EPSTI1: variants seen among roughly 807,000 people sequenced by gnomAD.
EPSTI1 encodes the protein epithelial stromal interaction 1.
EPSTI1 carries 66 observed loss-of-function variants against 49.9 expected under a neutral mutation model. That is an observed-to-expected ratio of 1.32 (90% confidence interval 1.08 to 1.62). The LOEUF (loss-of-function observed/expected upper bound fraction) is 1.62. Ranked by LOEUF, EPSTI1 falls within the 40% of genes most tolerant of loss-of-function variation. The probability of loss-of-function intolerance (pLI) is 0.00; values close to 1 mark genes in which losing one functional copy is unlikely to be tolerated. For synonymous variants in EPSTI1, 137 were observed against 130.7 expected, an observed-to-expected ratio of 1.05 and a Z score of -0.33; for missense variants, 394 against 365.5, an observed-to-expected ratio of 1.08 and a Z score of -0.64.
intron 6 of EPSTI1, among the ~76,000 whole-genome samples, chr13:42,952,770 C>T (rs1039958798): frequency 3.9e-5 from 6 of 152,198 alleles, no homozygotes; most frequent in African/African-American, 1.4e-4. Flanking sequence ...GTAGCAGAAA[C>T]ACAGTACCTA....
intron 8 of EPSTI1, among the ~76,000 whole-genome samples, chr13:42,910,473 C>G (rs947773079): frequency 6.6e-6 from 1 of 151,840 alleles, no homozygotes; most frequent in Non-Finnish European, 1.5e-5. Context: ...AGGCTGGTCT[C>G]GAACTCCTGA....
At chr13:42,974,234 G>A (rs1425441282) in intron 1 of EPSTI1, among the ~76,000 whole-genome samples, 1 of 152,168 alleles carries the variant, frequency 6.6e-6, no homozygotes, top group Non-Finnish European at 1.5e-5. Flanking sequence ...TACTCGGGAT[G>A]CTGAGGCAGG....
At chr13:42,934,743 C>A in intron 6 of EPSTI1, 1 of 183,470 alleles carries the variant, frequency 5.5e-6, no homozygotes, top group South Asian at 1.3e-4. Context: ...TGACTGGGCC[C>A]CATGCCAGCA....
chr13:42,911,244 A>AGTGTGTGT (rs372327588), intron 8 of EPSTI1, among the ~76,000 whole-genome samples: 18 of 147,148 alleles, frequency 1.2e-4, no homozygotes, highest in South Asian at 4.3e-4. Context: ...AGAGAGAGAG[A>AGTGTGTGT]GTGTGTGTGT....
At chr13:42,906,217 T>A (rs1483856367) in intron 8 of EPSTI1, among the ~76,000 whole-genome samples, 1 of 152,224 alleles carries the variant, frequency 6.6e-6, no homozygotes, top group Non-Finnish European at 1.5e-5. Flanking sequence ...GCAAACATCA[T>A]TTCTCTGGGC....
In EPSTI1 at chr13:42,897,492, T is replaced by C. The variant is rs2037227391; in HGVS notation, c.816-2384A>G. On this transcript the variant is annotated intron_variant, in intron 9 of 10. Coordinates refer to ENST00000313624, the MANE Select transcript of EPSTI1 (RefSeq NM_033255.5). ...GACACAGCCTTTATGGAGTGTAGCC[T>C]GATAATGTAGTTACTGAATGAAACA... 1.3e-5 allele frequency among the ~76,000 whole-genome samples: 2 copies of C among 152,214 alleles called. 1 individual carries two copies. The highest frequency in any genetic ancestry group is 4.1e-4 in the South Asian group (2 of 4,830).
chr13:42,988,529 G>C (rs537378640), intron 1 of EPSTI1, among the ~76,000 whole-genome samples: 1 of 152,284 alleles, frequency 6.6e-6, no homozygotes, highest in African/African-American at 2.4e-5. Context: ...TCAGGAGTTT[G>C]AGACCGGCCT....
intron 8 of EPSTI1, among the ~76,000 whole-genome samples, chr13:42,911,099 T>C (rs1185547068): frequency 6.6e-6 from 1 of 152,242 alleles, no homozygotes; most frequent in East Asian, 1.9e-4. Context: ...TACTTATCTT[T>C]GCATTCCTGG....
At chr13:42,893,484 G>A (rs1342873200) in intron 10 of EPSTI1, among the ~76,000 whole-genome samples, 1 of 152,146 alleles carries the variant, frequency 6.6e-6, no homozygotes, top group Non-Finnish European at 1.5e-5. Flanking sequence ...TTTGGACTTG[G>A]ATATGCCCAT....
intron 6 of EPSTI1, among the ~76,000 whole-genome samples, chr13:42,952,929 T>A (rs1433591348): frequency 1.3e-5 from 2 of 152,168 alleles, no homozygotes; most frequent in African/African-American, 4.8e-5. Context: ...AGGGGGAATA[T>A]GTTGGAGGCT....
At chr13:42,916,164 T>C (rs1256717233) in intron 8 of EPSTI1, among the ~76,000 whole-genome samples, 1 of 152,064 alleles carries the variant, frequency 6.6e-6, no homozygotes, top group East Asian at 1.9e-4. Context: ...CATGACTATG[T>C]ACCAGATTTA....
At chr13:42,891,665 A>T (rs535933777) in intron 10 of EPSTI1, among the ~76,000 whole-genome samples, 1 of 152,298 alleles carries the variant, frequency 6.6e-6, no homozygotes, top group Non-Finnish European at 1.5e-5. Flanking sequence ...TCATTTTAGC[A>T]TGTGAAATCA....
intron 8 of EPSTI1, among the ~76,000 whole-genome samples, chr13:42,917,146 C>T (rs1159231586): frequency 6.6e-6 from 1 of 152,174 alleles, no homozygotes; most frequent in Admixed American, 6.5e-5. Context: ...AGTTTCATAA[C>T]TTTGCATGCC....
chr13:42,893,754 A>AC lies in EPSTI1; in HGVS notation c.915+1254dup, dbSNP rs2037107627. Among the ~76,000 whole-genome samples, 33 of 152,330 alleles carry AC rather than the reference A, an allele frequency of 2.2e-4. No individual in the cohort carries two copies. In the South Asian group the frequency reaches 6.4e-3, roughly 30 times the overall value. On this transcript the variant is annotated intron_variant, in intron 10 of 10. Transcript: ENST00000313624. ...AGAGCGGTTCCATAGAGAAGAAATG[A>AC]CAACCATACAGTGTGTTTCCAAGCC...
chr13:42,951,964 A>G (rs1260691555), intron 6 of EPSTI1, among the ~76,000 whole-genome samples: 1 of 152,092 alleles, frequency 6.6e-6, no homozygotes, highest in Non-Finnish European at 1.5e-5. Context: ...ACCAATCAGC[A>G]CTCCGTAGCT....
At chr13:42,920,528 C>G (rs1382836333) in intron 7 of EPSTI1, among the ~76,000 whole-genome samples, 1 of 152,092 alleles carries the variant, frequency 6.6e-6, no homozygotes, top group Non-Finnish European at 1.5e-5. Flanking sequence ...GATGCACCAG[C>G]TATTGAGGAA....
intron 6 of EPSTI1, among the ~76,000 whole-genome samples, chr13:42,948,943 A>C (rs888297124): frequency 1.7e-4 from 26 of 152,364 alleles, no homozygotes; most frequent in African/African-American, 5.8e-4. Context: ...GATTCCAGAA[A>C]GAAAAACTAA....
intron 1 of EPSTI1, among the ~76,000 whole-genome samples, 181 bp from the exon 2 acceptor site, chr13:42,970,851 A>G (rs555266654): frequency 2.0e-4 from 30 of 152,350 alleles, no homozygotes; most frequent in African/African-American, 7.2e-4. Context: ...CTTGATGTCA[A>G]AGTAAAACAA....
At chr13:42,928,138 C>T (rs538037498) in intron 6 of EPSTI1, among the ~76,000 whole-genome samples, 1 of 152,288 alleles carries the variant, frequency 6.6e-6, no homozygotes, top group Non-Finnish European at 1.5e-5. Context: ...AGCAGAGTGA[C>T]AGGGTCACAG....
Sources: gnomAD v4.1 joint callset for allele counts (sites outside exome capture counted in the v4.1 genomes callset) on GRCh38, gnomAD v4.1.1 for gene constraint, MANE v1.5 for transcripts, NCBI Gene and HGNC (gene_info 2026-07-23, HGNC 2026-07-21) for gene names.